The following LMBRD1 variants were observed in gnomAD, a reference collection of about 807,000 sequenced individuals.
The protein encoded by LMBRD1 is LMBR1 domain containing 1.
Under a neutral mutation model 74.8 loss-of-function variants are expected in LMBRD1, and 64 were observed. The observed-to-expected ratio is 0.86, with a 90% CI of 0.70 to 1.05. The LOEUF is 1.05. Ranked by LOEUF, LMBRD1 falls within the 50% of genes least tolerant of loss-of-function variation. LMBRD1 has a pLI of 0.00. For synonymous variants in LMBRD1, 204 were observed against 216.3 expected (o/e 0.94, Z 0.50); for missense variants, 652 against 645.9 (o/e 1.01, Z -0.10).
At chr6:69,719,554 A>C (rs1766569840) in intron 7 of LMBRD1, among the ~76,000 whole-genome samples, 1 of 152,194 alleles carries the variant, frequency 6.6e-6, no homozygotes, top group Non-Finnish European at 1.5e-5. Flanking sequence ...AGTTCTAAAT[A>C]TTTATAACCA....
intron 5 of LMBRD1, chr6:69,745,874 G>A (rs992631879): frequency 1.5e-4 from 25 of 169,426 alleles, no homozygotes; most frequent in Non-Finnish European, 2.8e-4. Flanking sequence ...AGACATCATG[G>A]TGAAAGTGAA....
intron 9 of LMBRD1, among the ~76,000 whole-genome samples, chr6:69,704,887 T>G (rs1053820781): frequency 1.4e-5 from 2 of 146,280 alleles, no homozygotes; most frequent in Non-Finnish European, 3.0e-5. Context: ...TTCTGCTAGC[T>G]TTTTTGGGAT....
In LMBRD1 at chr6:69,723,980, G is replaced by C. The variant is rs111250561; in HGVS notation, c.637-4899C>G. ...AGATGAAAATGGAAACATTACAACT[G>C]ATACCACAGAAATTCAAAGGATCAT... On this transcript the variant is annotated intron_variant, in intron 7 of 15. Transcript: ENST00000649934. Among the ~76,000 whole-genome samples the C allele has an allele frequency of 5.5e-3, 837 of 152,096 alleles. 3 individuals are homozygous for C. The highest frequency in any genetic ancestry group is 9.9e-3 in the Admixed American group (152 of 15,290).
At chr6:69,705,519 G>C in intron 9 of LMBRD1, 1 of 1,282,648 alleles carries the variant, frequency 7.8e-7, no homozygotes, top group South Asian at 1.2e-5. Context: ...TCTTGGTATT[G>C]ATGATGGTTT....
At chr6:69,719,218 G>C (rs1311088057) in intron 7 of LMBRD1, 137 bp from the exon 8 acceptor site, 3 of 718,646 alleles carry the variant, frequency 4.2e-6, no homozygotes, top group Non-Finnish European at 7.0e-6. Context: ...CATGGTATAT[G>C]GGAGTGAACA....
At chr6:69,705,888 GC>G in intron 9 of LMBRD1, 1 of 1,340,796 alleles carries the variant, frequency 7.5e-7, no homozygotes, top group Non-Finnish European at 1.1e-6. Context: ...TTATTTCAAA[GC>G]CCCTAAGGAA....
chr6:69,676,650 G>C, intron 14 of LMBRD1, 109 bp from the exon 15 acceptor site: 2 of 860,578 alleles, frequency 2.3e-6, no homozygotes, highest in South Asian at 2.9e-5. Flanking sequence ...AGATCATATG[G>C]CTAGTAAGTG....
intron 8 of LMBRD1, among the ~76,000 whole-genome samples, chr6:69,717,296 C>T (rs935854030): frequency 1.3e-5 from 2 of 152,058 alleles, no homozygotes; most frequent in Non-Finnish European, 2.9e-5. Context: ...TCCCCCTCCT[C>T]TCCATGCTTA....
At chr6:69,707,854 G>C (rs1362029067) in intron 9 of LMBRD1, among the ~76,000 whole-genome samples, 1 of 152,050 alleles carries the variant, frequency 6.6e-6, no homozygotes, top group Non-Finnish European at 1.5e-5. Flanking sequence ...TAAATACATT[G>C]TTTCCATTTG....
At chr6:69,714,801 C>T (rs533158116) in intron 8 of LMBRD1, among the ~76,000 whole-genome samples, 1 of 152,196 alleles carries the variant, frequency 6.6e-6, no homozygotes, top group South Asian at 2.1e-4. Flanking sequence ...TACATATCGG[C>T]ATCACTATGA....
chr6:69,684,405 C>T (rs984024534), intron 14 of LMBRD1, among the ~76,000 whole-genome samples: 11 of 151,272 alleles, frequency 7.3e-5, no homozygotes, highest in Admixed American at 1.3e-4. Context: ...AGAAAGAAAC[C>T]ATGAAGTACC....
At chr6:69,771,073 C>A (rs974239980) in intron 3 of LMBRD1, among the ~76,000 whole-genome samples, 1 of 152,094 alleles carries the variant, frequency 6.6e-6, no homozygotes, top group African/African-American at 2.4e-5. Context: ...TTATCTACTA[C>A]CATGTAAGAG....
chr6:69,702,536 G>A (rs1369559035), intron 9 of LMBRD1, among the ~76,000 whole-genome samples: 1 of 151,986 alleles, frequency 6.6e-6, no homozygotes, highest in East Asian at 1.9e-4. Flanking sequence ...CCTAAGCACT[G>A]TAAGTAGTGG....
chr6:69,700,884 T>C lies in LMBRD1; in HGVS notation c.1084-15A>G, dbSNP rs763403864. ...AGAGGGAAAACCTGAAAAAAAAAGA[T>C]GAAATTAAATTTAACATATAAACTA... On this transcript the variant is annotated splice_polypyrimidine_tract_variant and intron_variant, in intron 11 of 15. Coordinates refer to ENST00000649934, the MANE Select transcript of LMBRD1 (RefSeq NM_018368.4). 2.3e-6 allele frequency: 3 copies of C among 1,326,062 alleles called. No homozygotes were observed. The highest frequency in any genetic ancestry group is 3.1e-6 in the Non-Finnish European group (3 of 962,732). 82.1% of individuals were successfully genotyped at this position (1,326,062 alleles called of 1,614,324 possible).
chr6:69,790,170 C>A, intron 2 of LMBRD1, 126 bp downstream of exon 2: 1 of 708,364 alleles, frequency 1.4e-6, no homozygotes, highest in South Asian at 1.6e-5. Context: ...ACATTCTCAG[C>A]TTCTATGTTG....
chr6:69,676,666 G>T, intron 14 of LMBRD1, 125 bp from the exon 15 acceptor site: 1 of 787,096 alleles, frequency 1.3e-6, no homozygotes, highest in Non-Finnish European at 2.2e-6. Context: ...AAGTGTCAGA[G>T]ATGGTACTGA....
Position 69,758,832 on chromosome 6 carries a change from A to C in LMBRD1, c.308-6476T>G, listed in dbSNP as rs535189566. Reference sequence around the variant, plus strand: ...GTGAAGGGTAGGCATAATAGATCTCAACTAACTTTTGCCACTGAACATGAT... The same window carrying C: ...GTGAAGGGTAGGCATAATAGATCTCCACTAACTTTTGCCACTGAACATGAT... On this transcript the variant is annotated intron_variant, in intron 3 of 15. Transcript: ENST00000649934. 2.0e-5 allele frequency among the ~76,000 whole-genome samples: 3 copies of C among 152,138 alleles called. No individual in the cohort carries two copies. In the South Asian group the frequency reaches 6.2e-4, roughly 32 times the overall value.
At chr6:69,781,833 A>C (rs1457344076) in intron 2 of LMBRD1, among the ~76,000 whole-genome samples, 2 of 152,222 alleles carry the variant, frequency 1.3e-5, no homozygotes, top group Non-Finnish European at 1.5e-5. Context: ...AATTAATCTT[A>C]AAATTAATAT....
chr6:69,712,712 C>G (rs1312198120), intron 9 of LMBRD1, among the ~76,000 whole-genome samples: 1 of 151,848 alleles, frequency 6.6e-6, no homozygotes, highest in Non-Finnish European at 1.5e-5. Context: ...TAGTAGTTAC[C>G]AGGGAATGCA....
Sources: gnomAD v4.1 joint callset for allele counts (sites outside exome capture counted in the v4.1 genomes callset) on GRCh38, gnomAD v4.1.1 for gene constraint, MANE v1.5 for transcripts, NCBI Gene and HGNC (gene_info 2026-07-23, HGNC 2026-07-21) for gene names.